MRPL39: variants seen among roughly 807,000 people sequenced by gnomAD.
MRPL39 encodes mitochondrial ribosomal protein L39, also known as large ribosomal subunit protein mL39.
A neutral mutation model predicts 44.5 loss-of-function variants in MRPL39; 35 were observed. That is an observed-to-expected ratio of 0.79 (90% CI 0.60 to 1.04). MRPL39 has a LOEUF of 1.04. MRPL39 is among the 50% of genes least tolerant of loss of function. MRPL39 has a pLI of 0.00. For missense variants in MRPL39, 433 were observed against 413.5 expected, an observed-to-expected ratio of 1.05 and a Z score of -0.41; for synonymous variants, 139 against 136.1, an observed-to-expected ratio of 1.02 and a Z score of -0.15.
At position 25,601,457 on chromosome 21, in the gene MRPL39, C is replaced by T. The variant is rs147366799; in HGVS notation, c.431G>A (p.Arg144His). The T allele has an allele frequency of 1.2e-5, 19 of 1,576,452 alleles. No individual in the cohort carries two copies. Among genetic ancestry groups the T allele is most frequent in the East Asian group, 9.1e-5 (4 of 43,988 alleles). The change falls in exon 4 of 10, where the codon CGT becomes CAT. Residue 144 changes from arginine (R) to histidine (H), a missense_variant. By Grantham distance (29) the Arg-to-His change is conservative. Transcript: ENST00000352957. ...DPGEVNKAYW[R>H]SCAMMMGCVI... ...ACAGCCCATCATCATAGCACAGGAA[C>T]GCCAATATGCCTAGAAAAAAAATAT... is the stretch of plus-strand genomic sequence containing the variant.
chr21:25,598,637 C>T (rs2123244539), intron 5 of MRPL39, among the ~76,000 whole-genome samples: 1 of 152,116 alleles, frequency 6.6e-6, no homozygotes, highest in African/African-American at 2.4e-5. Flanking sequence ...TCCCTTCCCT[C>T]CCCTCTTTCC....
intron 9 of MRPL39, among the ~76,000 whole-genome samples, chr21:25,587,333 G>A (rs899745860): frequency 9.9e-5 from 15 of 151,772 alleles, no homozygotes; most frequent in Middle Eastern, 3.4e-3. Flanking sequence ...TGATCACTGT[G>A]ACCAACTAAA....
intron 9 of MRPL39, chr21:25,587,787 A>T (rs778435284): frequency 1.9e-6 from 3 of 1,609,096 alleles, no homozygotes; most frequent in African/African-American, 1.3e-5. Context: ...TGGGAAATGG[A>T]GTCTAGAAAG....
At chr21:25,607,635 C>T, upstream of MRPL39, 1 of 708,214 alleles carries the variant, frequency 1.4e-6, no homozygotes, top group South Asian at 1.9e-5. Context: ...GATTCAGTGG[C>T]TGAGACCCCG....
chr21:25,591,583 A>G (rs2123229375), intron 8 of MRPL39, among the ~76,000 whole-genome samples: 1 of 152,272 alleles, frequency 6.6e-6, no homozygotes, highest in East Asian at 1.9e-4. Context: ...GATCAATACC[A>G]TTGGTCAACA....
intron 5 of MRPL39, among the ~76,000 whole-genome samples, chr21:25,599,540 C>T (rs1250487392): frequency 6.6e-6 from 1 of 152,084 alleles, no homozygotes; most frequent in African/African-American, 2.4e-5. Context: ...TCAAGCAGAA[C>T]ATAAAGTTTC....
chr21:25,597,418 A>G lies in MRPL39; in HGVS notation c.589-4T>C. 6.7e-7 allele frequency: 1 copy of G among 1,489,196 alleles called. No homozygotes were observed. The highest frequency in any genetic ancestry group is 9.3e-7 in the Non-Finnish European group (1 of 1,079,210). The allele number at this position is 1,489,196 out of a possible 1,614,324, so 92.2% of individuals were successfully genotyped here. A position where few individuals can be genotyped will look rare whatever the true frequency, so the allele number is the denominator to read the frequency against. On this transcript the variant is annotated splice_polypyrimidine_tract_variant and splice_region_variant and intron_variant, in intron 5 of 9. Transcript: ENST00000352957. Reference sequence around the variant, plus strand: ...TTGTGAAGGAACGTAAGTTCTCCTTAAAAATGAAAGTAATAACCTTTAGTA... The same window carrying G: ...TTGTGAAGGAACGTAAGTTCTCCTTGAAAATGAAAGTAATAACCTTTAGTA...
chr21:25,596,260 A>T (rs1032253695), intron 6 of MRPL39, among the ~76,000 whole-genome samples: 3 of 152,116 alleles, frequency 2.0e-5, no homozygotes, highest in Admixed American at 6.5e-5. Context: ...CACCACGCCC[A>T]GCTAATTTTT....
At chr21:25,606,811 G>T (rs1568867999) in intron 1 of MRPL39, among the ~76,000 whole-genome samples, 156 bp from the exon 2 acceptor site, 1 of 152,154 alleles carries the variant, frequency 6.6e-6, no homozygotes, top group Non-Finnish European at 1.5e-5. Context: ...TTTTAAATTT[G>T]GCTCTTTCAC....
chr21:25,605,378 C>G (rs1444183411), intron 2 of MRPL39, among the ~76,000 whole-genome samples: 1 of 152,188 alleles, frequency 6.6e-6, no homozygotes, highest in Non-Finnish European at 1.5e-5. Flanking sequence ...AATACTTTTA[C>G]CCCAATCACA....
At chr21:25,601,286 A>C in intron 4 of MRPL39, 82 bp downstream of exon 4, 1 of 711,284 alleles carries the variant, frequency 1.4e-6, no homozygotes, top group Non-Finnish European at 2.2e-6. Context: ...GGTAATTTAT[A>C]TTAGTACTAA....
intron 6 of MRPL39, among the ~76,000 whole-genome samples, chr21:25,594,612 A>G (rs528831695): frequency 6.6e-6 from 1 of 150,396 alleles, no homozygotes; most frequent in African/African-American, 2.5e-5. Flanking sequence ...ATCTCTGGCC[A>G]CTCCTGTCTT....
chr21:25,596,556 A>G (rs2031367217), intron 6 of MRPL39, among the ~76,000 whole-genome samples: 2 of 144,520 alleles, frequency 1.4e-5, no homozygotes, highest in African/African-American at 2.6e-5. Flanking sequence ...ATAACCCAAT[A>G]TATTTACGAT....
At chr21:25,606,008 T>C (rs1010029990) in intron 2 of MRPL39, among the ~76,000 whole-genome samples, 3 of 152,204 alleles carry the variant, frequency 2.0e-5, no homozygotes, top group African/African-American at 4.8e-5. Context: ...CAGGACAATC[T>C]GTGCACTACA....
intron 8 of MRPL39, among the ~76,000 whole-genome samples, chr21:25,589,826 T>TG (rs34891191): frequency 0.62 from 94,575 of 152,092 alleles, 31,239 homozygotes; most frequent in Non-Finnish European, 0.75. Context: ...AAACCATGCC[T>TG]GACTCAGGCG....
At chr21:25,594,098 C>T in intron 6 of MRPL39, 140 bp from the exon 7 acceptor site, 1 of 679,430 alleles carries the variant, frequency 1.5e-6, no homozygotes, top group Non-Finnish European at 2.5e-6. Context: ...AATCTGGCCA[C>T]AGCCCCATGA....
chr21:25,594,370 G>A (rs890535433), intron 6 of MRPL39, among the ~76,000 whole-genome samples: 2 of 150,054 alleles, frequency 1.3e-5, no homozygotes, highest in Admixed American at 6.7e-5. Context: ...TCCTGCCTCA[G>A]CCACCCAAGT....
Position 25,592,906 on chromosome 21 carries a change from A to T in MRPL39, c.827T>A (p.Phe276Tyr). Residue 276 changes from phenylalanine (F) to tyrosine (Y), a missense_variant, in exon 8 of 10, where the codon TTC becomes TAC. Physicochemically the swap from Phe to Tyr is conservative, Grantham distance 22. Coordinates refer to ENST00000352957, the MANE Select transcript of MRPL39 (RefSeq NM_017446.4). The part of the protein sequence containing the change: ...GPLIPRTSIC[F>Y]QYEVSAVHNL... ...GTGAACTGCTGATACTTCATACTGG[A>T]AACAAATACTTGTTCTTGGAATAAG... 2 of 1,613,020 alleles carry T rather than the reference A, an allele frequency of 1.2e-6. No individual in the cohort carries two copies. Among genetic ancestry groups the T allele is most frequent in the Non-Finnish European group, 1.7e-6 (2 of 1,179,034 alleles).
intron 6 of MRPL39, among the ~76,000 whole-genome samples, chr21:25,594,576 G>A (rs562925330): frequency 1.3e-5 from 2 of 152,048 alleles, no homozygotes; most frequent in South Asian, 4.1e-4. Context: ...GGTATCAGTG[G>A]CATTCCTTAC....
Sources: allele counts gnomAD v4.1 joint callset (sites outside exome capture counted in the v4.1 genomes callset), GRCh38; gene constraint gnomAD v4.1.1; transcripts MANE v1.5; gene names NCBI Gene and HGNC (gene_info 2026-07-23, HGNC 2026-07-21).